NUP210L: variants seen among roughly 807,000 people sequenced by gnomAD.
The protein encoded by NUP210L is nucleoporin 210 like.
A neutral mutation model predicts 208.5 loss-of-function variants in NUP210L; 74 were observed. The observed-to-expected ratio is 0.35, with a 90% CI of 0.29 to 0.43. NUP210L has a LOEUF of 0.43. Among genes scored for constraint, NUP210L ranks in the 20% least tolerant of loss-of-function variants. The pLI is 1.00. For synonymous variants in NUP210L, 780 were observed against 816.9 expected (o/e 0.95, Z 0.77); for missense variants, 1,843 against 2,289.4 (o/e 0.81, Z 3.98).
chr1:154,102,108 A>G (rs948510523), intron 13 of NUP210L, among the ~76,000 whole-genome samples: 1 of 152,074 alleles, frequency 6.6e-6, no homozygotes, highest in African/African-American at 2.4e-5. Context: ...CCGAGATTGC[A>G]CCACTGCACT....
intron 35 of NUP210L, among the ~76,000 whole-genome samples, chr1:154,003,050 G>A (rs1271028382): frequency 4.2e-5 from 6 of 142,698 alleles, no homozygotes; most frequent in African/African-American, 7.9e-5. Context: ...TCACACTGTT[G>A]CCCAGGCTGG....
chr1:154,030,017 A>G, exon 28 of NUP210L: 1 of 1,610,090 alleles, frequency 6.2e-7, no homozygotes, highest in African/African-American at 1.3e-5. Flanking sequence ...ATGGACAACC[A>G]TGGCAAAGTT....
intron 14 of NUP210L, among the ~76,000 whole-genome samples, chr1:154,099,643 G>T (rs1656361781): frequency 6.6e-6 from 1 of 152,110 alleles, no homozygotes; most frequent in Admixed American, 6.6e-5. Flanking sequence ...ACTAACTTCG[G>T]TATTTACAGA....
At chr1:154,147,504 A>AT (rs1325867838) in intron 2 of NUP210L, among the ~76,000 whole-genome samples, 1 of 150,510 alleles carries the variant, frequency 6.6e-6, no homozygotes, top group Middle Eastern at 3.2e-3. Context: ...TGCCTGGCTA[A>AT]TTTTTTCTTT....
At chr1:154,052,806 C>T (rs1653592139) in intron 25 of NUP210L, among the ~76,000 whole-genome samples, 1 of 152,214 alleles carries the variant, frequency 6.6e-6, no homozygotes, top group Non-Finnish European at 1.5e-5. Context: ...GCAGAACAGG[C>T]AGAGATGCTG....
intron 27 of NUP210L, among the ~76,000 whole-genome samples, chr1:154,043,799 G>T (rs990494207): frequency 6.6e-6 from 1 of 151,450 alleles, no homozygotes; most frequent in Non-Finnish European, 1.5e-5. Context: ...GCTAAATTTT[G>T]TATTTTTAGT....
chr1:154,001,145 CA>C, intron 36 of NUP210L, 85 bp from the exon 37 acceptor site: 4 of 1,031,934 alleles, frequency 3.9e-6, no homozygotes, highest in Non-Finnish European at 5.7e-6. Flanking sequence ...ATATACAGTA[CA>C]ATAATTGTCA....
chr1:154,074,712 G>A (rs190881102), intron 16 of NUP210L, among the ~76,000 whole-genome samples: 4 of 152,204 alleles, frequency 2.6e-5, no homozygotes, highest in South Asian at 2.1e-4. Flanking sequence ...GGCTGGTCTC[G>A]AATCCTGACC....
chr1:154,060,431 A>T (rs533302466), intron 20 of NUP210L, 109 bp downstream of exon 20: 1 of 695,120 alleles, frequency 1.4e-6, no homozygotes, highest in Non-Finnish European at 2.4e-6. Flanking sequence ...GAAAGAAAGG[A>T]AAATGTTACT....
intron 2 of NUP210L, among the ~76,000 whole-genome samples, chr1:154,152,266 G>A (rs956021960): frequency 4.8e-4 from 73 of 150,958 alleles, no homozygotes; most frequent in Admixed American, 4.3e-3. Flanking sequence ...TGTCTCCCGG[G>A]TTCAAGCGAT....
chr1:154,081,964 G>A (rs1655355460), intron 16 of NUP210L, among the ~76,000 whole-genome samples: 2 of 152,156 alleles, frequency 1.3e-5, no homozygotes, highest in African/African-American at 2.4e-5. Context: ...CTGGGCAACA[G>A]AGTGAGACCC....
chr1:154,061,619 A>AT lies in NUP210L; in HGVS notation c.2609dup (p.Asn870LysfsTer30). 6.2e-7 allele frequency: 1 copy of AT among 1,608,822 alleles called. No homozygotes were observed. Among genetic ancestry groups the AT allele is most frequent in the African/African-American group, 1.3e-5 (1 of 74,806 alleles). On this transcript the variant is annotated frameshift_variant, in exon 18 of 40. Transcript: ENST00000368559. LOFTEE classifies it high-confidence loss of function. ...TTTTCTTCTCTGAATAGCCCACAAAATTGACTCCAATCAGTACAGTCCCTT... is the reference window on the plus strand; with the variant it reads ...TTTTCTTCTCTGAATAGCCCACAAAATTTGACTCCAATCAGTACAGTCCCTT...
At chr1:154,013,683 A>G (rs1298332894) in intron 33 of NUP210L, among the ~76,000 whole-genome samples, 2 of 152,164 alleles carry the variant, frequency 1.3e-5, no homozygotes, top group East Asian at 3.8e-4. Flanking sequence ...CATAATCTCA[A>G]TCTTTTCTGA....
chr1:154,134,423 CT>C (rs375962653), intron 7 of NUP210L, among the ~76,000 whole-genome samples: 3,355 of 129,730 alleles, frequency 0.026, 34 homozygotes, highest in African/African-American at 0.041. Context: ...CTCCGTGTAC[CT>C]TTTTTTTTTT....
intron 27 of NUP210L, among the ~76,000 whole-genome samples, chr1:154,044,414 A>C (rs1327504095): frequency 2.0e-5 from 3 of 151,728 alleles, no homozygotes; most frequent in Non-Finnish European, 1.5e-5. Context: ...TCTCAAAAAA[A>C]AAAAAAGAAA....
intron 16 of NUP210L, among the ~76,000 whole-genome samples, chr1:154,080,392 G>A (rs1257096928): frequency 6.7e-6 from 1 of 149,864 alleles, no homozygotes; most frequent in Non-Finnish European, 1.5e-5. Flanking sequence ...AGAAAGAAAT[G>A]ACTGGGCGCA....
intron 12 of NUP210L, among the ~76,000 whole-genome samples, chr1:154,108,285 G>C (rs546220162): frequency 2.0e-5 from 3 of 152,122 alleles, no homozygotes; most frequent in Non-Finnish European, 2.9e-5. Context: ...AGCCTCATGA[G>C]TAGCTGGGAT....
At chr1:154,138,445 A>T (rs6659053) in intron 5 of NUP210L, among the ~76,000 whole-genome samples, 2 of 152,014 alleles carry the variant, frequency 1.3e-5, no homozygotes, top group Non-Finnish European at 2.9e-5. Flanking sequence ...ACTTTCTAAG[A>T]TACTCAGACT....
intron 2 of NUP210L, among the ~76,000 whole-genome samples, chr1:154,144,850 T>C (rs1447612047): frequency 1.3e-5 from 2 of 152,220 alleles, no homozygotes; most frequent in Non-Finnish European, 2.9e-5. Flanking sequence ...ACGCCTCTAA[T>C]CCCACCACGT....
Sources: allele counts gnomAD v4.1 joint callset (sites outside exome capture counted in the v4.1 genomes callset), GRCh38; gene constraint gnomAD v4.1.1; transcripts MANE v1.5; gene names NCBI Gene and HGNC (gene_info 2026-07-23, HGNC 2026-07-21).